ADARB2: variants seen among roughly 807,000 people sequenced by gnomAD.
ADARB2 encodes inactive double-stranded RNA-specific editase B2.
ADARB2 carries 25 observed loss-of-function variants against 62.2 expected under a neutral mutation model. The ratio of observed to expected loss-of-function variants is 0.40; its 90% confidence interval spans 0.29 to 0.56. The LOEUF is 0.56. Among genes scored for constraint, ADARB2 ranks in the 20% least tolerant of loss-of-function variants. The probability of loss-of-function intolerance (pLI) is 0.43; values close to 1 mark genes in which losing one functional copy is unlikely to be tolerated. For synonymous variants in ADARB2, 572 were observed against 500.8 expected (o/e 1.14, Z -1.90); for missense variants, 1,071 against 1,077.4 (o/e 0.99, Z 0.08).
chr10:1,649,356 G>C (rs747203277), intron 1 of ADARB2, among the ~76,000 whole-genome samples: 1 of 152,072 alleles, frequency 6.6e-6, no homozygotes, highest in African/African-American at 2.4e-5. Flanking sequence ...CTTCAGCATC[G>C]AGTATTCCCC....
chr10:1,499,649 A>G (rs1018004974), intron 1 of ADARB2, among the ~76,000 whole-genome samples: 38 of 149,894 alleles, frequency 2.5e-4, no homozygotes, highest in Admixed American at 2.5e-3. Flanking sequence ...ATCACCCACC[A>G]CTCACTCATT....
intron 6 of ADARB2, among the ~76,000 whole-genome samples, chr10:1,219,744 G>A (rs1484789919): frequency 6.6e-6 from 1 of 152,026 alleles, no homozygotes; most frequent in Non-Finnish European, 1.5e-5. Context: ...TGATGGTGAA[G>A]ATAATGGTGA....
At chr10:1,526,701 C>T (rs561761269) in intron 1 of ADARB2, 1 of 312,642 alleles carries the variant, frequency 3.2e-6, no homozygotes, top group Admixed American at 3.7e-5. Context: ...GCTGCACAAA[C>T]CTTTCTTCCT....
At chr10:1,234,014 A>G (rs149432518) in intron 5 of ADARB2, among the ~76,000 whole-genome samples, 169 bp from the exon 6 acceptor site, 2,504 of 127,702 alleles carry the variant, frequency 0.02, 87 homozygotes, top group African/African-American at 0.073. Flanking sequence ...TCTGTCACCC[A>G]GGCTGGAGTG....
In ADARB2 at chr10:1,631,847, A is replaced by G. The variant is rs146634458; in HGVS notation, c.100+105204T>C. On this transcript the variant is annotated intron_variant, in intron 1 of 9. Coordinates refer to ENST00000381312, the MANE Select transcript of ADARB2 (RefSeq NM_018702.4). ...ATCAGATTATTGTAGTTATTCTGGA[A>G]ATGTATAGTGTCATAGAAATTCTAA... Among the ~76,000 whole-genome samples the G allele has an allele frequency of 1.6e-4, 24 of 152,324 alleles. No homozygotes were observed. In the East Asian group the frequency reaches 4.1e-3, roughly 26 times the overall value.
intron 1 of ADARB2, among the ~76,000 whole-genome samples, chr10:1,397,812 C>T (rs1347679165): frequency 1.1e-5 from 1 of 91,726 alleles, no homozygotes; most frequent in African/African-American, 4.7e-5. Context: ...TCTCTCCCCT[C>T]CCGAGCGCAG....
intron 6 of ADARB2, among the ~76,000 whole-genome samples, chr10:1,224,721 C>G (rs1016159320): frequency 6.6e-6 from 1 of 152,124 alleles, no homozygotes; most frequent in Non-Finnish European, 1.5e-5. Context: ...TCAGTTTCCA[C>G]GTAGTTGAGT....
rs188522153 is a variant in ADARB2, at chr10:1,367,471, C to T, written c.188-3554G>A. Among the ~76,000 whole-genome samples, 253 of 152,244 alleles carry T rather than the reference C, an allele frequency of 1.7e-3. 1 individual carries two copies. Among genetic ancestry groups the T allele is most frequent in the African/African-American group, 5.9e-3 (245 of 41,528 alleles). On this transcript the variant is annotated intron_variant, in intron 2 of 9. Transcript: ENST00000381312. ...CACAACATTCATTTACAGTTGATGGCGGCAGAAACCGTTACCTTCTGAGGA... is the reference window on the plus strand; with the variant it reads ...CACAACATTCATTTACAGTTGATGGTGGCAGAAACCGTTACCTTCTGAGGA...
chr10:1,483,725 A>T (rs1221040284), intron 1 of ADARB2, among the ~76,000 whole-genome samples: 1 of 152,256 alleles, frequency 6.6e-6, no homozygotes, highest in Non-Finnish European at 1.5e-5. Context: ...TAGCATTTAC[A>T]GGTTTAAAAA....
chr10:1,703,276 C>A (rs922286577), intron 1 of ADARB2, among the ~76,000 whole-genome samples: 1 of 152,008 alleles, frequency 6.6e-6, no homozygotes, highest in Non-Finnish European at 1.5e-5. Context: ...GAAGGGGCAT[C>A]CAGGGAACAC....
chr10:1,269,175 A>G (rs2131797770), intron 4 of ADARB2, among the ~76,000 whole-genome samples: 1 of 151,358 alleles, frequency 6.6e-6, no homozygotes, highest in African/African-American at 2.4e-5. Flanking sequence ...AACCTGAGTT[A>G]TTCAGAAATC....
chr10:1,412,147 T>C (rs2820667), intron 1 of ADARB2, among the ~76,000 whole-genome samples: 7,948 of 152,106 alleles, frequency 0.052, 727 homozygotes, highest in African/African-American at 0.18. Context: ...AGGGCCCTTT[T>C]CTCCGCTGAG....
rs1351422300 is a variant in ADARB2, at chr10:1,199,963, T to C, written c.1864+3A>G. 1 of 1,532,484 alleles carries C rather than the reference T, an allele frequency of 6.5e-7. No homozygotes were observed. 94.9% of individuals were successfully genotyped at this position (1,532,484 alleles called of 1,614,324 possible). ...GGAGGGCCCCCGGGAAGGGGGTTCT[T>C]ACCGCTGAGGAGAGGCCGGTTGTGC... On this transcript the variant is annotated splice_donor_region_variant and intron_variant, in intron 8 of 9. Transcript: ENST00000381312.
chr10:1,641,180 C>T (rs1030042089), intron 1 of ADARB2, among the ~76,000 whole-genome samples: 6 of 152,018 alleles, frequency 3.9e-5, no homozygotes, highest in African/African-American at 1.2e-4. Context: ...TTATTTAGCA[C>T]CCGATATAAA....
At chr10:1,401,156 C>T (rs1489178106) in intron 1 of ADARB2, among the ~76,000 whole-genome samples, 1 of 152,102 alleles carries the variant, frequency 6.6e-6, no homozygotes, top group Non-Finnish European at 1.5e-5. Flanking sequence ...GGCCCAGCGT[C>T]ACCCTCCCCA....
chr10:1,288,382 C>T (rs1831432583), intron 3 of ADARB2, among the ~76,000 whole-genome samples: 1 of 152,230 alleles, frequency 6.6e-6, no homozygotes. Context: ...GACTGCATAG[C>T]AGGTGCTCTT....
At chr10:1,246,090 G>A (rs1564234522) in intron 4 of ADARB2, among the ~76,000 whole-genome samples, 1 of 151,878 alleles carries the variant, frequency 6.6e-6, no homozygotes, top group Non-Finnish European at 1.5e-5. Flanking sequence ...GATGGCCAGT[G>A]ATGATGAGCA....
Position 1,363,803 on chromosome 10 carries a change from G to C in ADARB2, c.302C>G (p.Pro101Arg), listed in dbSNP as rs766932249. 9 of 1,596,424 alleles carry C rather than the reference G, an allele frequency of 5.6e-6. No homozygotes were observed. The highest frequency in any genetic ancestry group is 2.2e-5 in the South Asian group (2 of 90,650). ...GGAPGAKRKR[P>R]LEEGNGGHLC... ...GTGGCCCCCATTCCCCTCCTCCAGC[G>C]GCCGCTTCCTCTTCGCGCCGGGCGC... The change falls in exon 3 of 10, where the codon CCG becomes CGG. Residue 101 changes from proline (P) to arginine (R), a missense_variant. Physicochemically the swap from Pro to Arg is moderately radical, Grantham distance 103 (BLOSUM62 -2). Transcript: ENST00000381312.
In ADARB2 at chr10:1,191,313, G is replaced by A. The variant is rs183546291; in HGVS notation, c.1865-6274C>T. ...CTGTGCCACTGGCTGGATGTGCAGA[G>A]CAACCTGGGGATGCACGGGGCACCC... On this transcript the variant is annotated intron_variant, in intron 8 of 9. Transcript: ENST00000381312. Among the ~76,000 whole-genome samples the A allele has an allele frequency of 2.5e-3, 388 of 152,370 alleles. 1 individual carries two copies. Among genetic ancestry groups the A allele is most frequent in the Non-Finnish European group, 2.4e-3 (165 of 68,040 alleles).
Sources: allele counts gnomAD v4.1 joint callset (sites outside exome capture counted in the v4.1 genomes callset), GRCh38; gene constraint gnomAD v4.1.1; transcripts MANE v1.5; gene names NCBI Gene and HGNC (gene_info 2026-07-23, HGNC 2026-07-21).